The following BARHL1 variants were observed in gnomAD, a reference collection of about 807,000 sequenced individuals.
BARHL1 encodes BarH like homeobox 1.
A neutral mutation model predicts 20.1 loss-of-function variants in BARHL1; 2 were observed. The ratio of observed to expected loss-of-function variants is 0.10; its 90% CI spans 0.04 to 0.31. The LOEUF (loss-of-function observed/expected upper bound fraction) is 0.31. BARHL1 is among the 10% of genes least tolerant of loss of function. The pLI is 1.00. For missense variants in BARHL1, 397 were observed against 454.0 expected (o/e 0.87, Z 1.14); for synonymous variants, 213 against 209.9 (o/e 1.01, Z -0.13).
At position 132,587,655 on chromosome 9, in the gene BARHL1, C is replaced by T; in HGVS notation, c.689+104C>T. On this transcript the variant is annotated intron_variant, in intron 2 of 2. Transcript: ENST00000263610. The surrounding 1 kb of genome is among the most constrained non-coding windows in gnomAD (Gnocchi z 5.5). ...ACAGGTTGGTGCTAAGGGAGGGCCC[C>T]AGAGCCTCCCCCATTCTGTAAAAGT... 1 of 1,094,502 alleles carries T rather than the reference C, an allele frequency of 9.1e-7. No homozygotes were observed. Among genetic ancestry groups the T allele is most frequent in the Non-Finnish European group, 1.3e-6 (1 of 762,838 alleles). The allele number at this position is 1,094,502 out of a possible 1,614,324, so 67.8% of individuals were successfully genotyped here. A position where few individuals can be genotyped will look rare whatever the true frequency, so the allele number is the denominator to read the frequency against.
rs552896782 is a variant in BARHL1 at position 132,589,684 on chromosome 9, C to T, written c.*162C>T. The T allele has an allele frequency of 2.7e-3, 2,705 of 998,242 alleles. 8 individuals are homozygous for T. Among genetic ancestry groups the T allele is most frequent in the Non-Finnish European group, 2.8e-3 (2,164 of 783,032 alleles). 61.8% of individuals were successfully genotyped at this position (998,242 alleles called of 1,614,324 possible). Reference sequence around the variant, plus strand: ...CCCCCGAAGGGCCAAATGCCAAGTCCACTGAGGCCCGGACCCCGGACTGCG... The same window carrying T: ...CCCCCGAAGGGCCAAATGCCAAGTCTACTGAGGCCCGGACCCCGGACTGCG... On this transcript the variant is annotated 3_prime_UTR_variant, in exon 3 of 3. Coordinates refer to ENST00000263610, the MANE Select transcript of BARHL1 (RefSeq NM_020064.4).
At chr9:132,589,052 A>C (rs536357057) in intron 2 of BARHL1, among the ~76,000 whole-genome samples, 176 bp from the exon 3 acceptor site, 1 of 152,278 alleles carries the variant, frequency 6.6e-6, no homozygotes, top group South Asian at 2.1e-4. Flanking sequence ...GGAAGATAAA[A>C]GGAGAGGATG....
In BARHL1 at chr9:132,587,602, C is replaced by A; in HGVS notation, c.689+51C>A. On this transcript the variant is annotated intron_variant, in intron 2 of 2. Transcript: ENST00000263610. The surrounding 1 kb of genome is among the most constrained non-coding windows in gnomAD (Gnocchi z 5.5). ...GCAGAAAGGGAACTTCCCCTTTCCT[C>A]ACAGCTCCTGGAGGGGACCAGGAGT... is the stretch of plus-strand genomic sequence containing the variant. 1 of 1,520,780 alleles carries A rather than the reference C, an allele frequency of 6.6e-7. No homozygotes were observed. The highest frequency in any genetic ancestry group is 8.9e-7 in the Non-Finnish European group (1 of 1,119,310). 94.2% of individuals were successfully genotyped at this position (1,520,780 alleles called of 1,614,324 possible).
In BARHL1 at chr9:132,583,076, C is replaced by T. The variant is rs200079573; in HGVS notation, c.279C>T (p.Thr93=). 1 of 1,613,804 alleles carries T rather than the reference C, an allele frequency of 6.2e-7. No homozygotes were observed. Among genetic ancestry groups the T allele is most frequent in the Non-Finnish European group, 8.5e-7 (1 of 1,179,960 alleles). The change falls in exon 1 of 3, where the codon ACC becomes ACT. Residue 93 remains threonine, a synonymous_variant. Transcript: ENST00000263610. Reference sequence around the variant, plus strand: ...CCCCGGCCCAGTCGCGCACCGTCACCTCCTCCTTTCTGATCAGGGACATCC... The same window carrying T: ...CCCCGGCCCAGTCGCGCACCGTCACTTCCTCCTTTCTGATCAGGGACATCC... ...LSAPAQSRTV[T]SSFLIRDILA...
At chr9:132,586,658 C>T (rs4142544) in intron 1 of BARHL1, among the ~76,000 whole-genome samples, 2 of 152,252 alleles carry the variant, frequency 1.3e-5, no homozygotes, top group Admixed American at 1.3e-4. Flanking sequence ...GTGGCAGGGT[C>T]GCTTATTCTC....
rs1006716323 is a variant in BARHL1 at position 132,586,261 on chromosome 9, G to A, written c.467-1068G>A. Among the ~76,000 whole-genome samples the A allele has an allele frequency of 3.9e-5, 6 of 152,306 alleles. No individual in the cohort carries two copies. The East Asian group carries it at 7.7e-4, about 20-fold the overall frequency. ...TGAACCCCGTCACTGCAAACGCCACGCACAATGAAACTCCACCATAAAAGA... is the reference window on the plus strand; with the variant it reads ...TGAACCCCGTCACTGCAAACGCCACACACAATGAAACTCCACCATAAAAGA... On this transcript the variant is annotated intron_variant, in intron 1 of 2. Transcript: ENST00000263610.
chr9:132,587,257 G>GCCA lies in BARHL1; in HGVS notation c.467-70_467-68dup. The stretch of plus-strand genomic sequence containing the variant: ...TGTCGGAAGCCGAGGTTACACAAAC[G>GCCA]CCACGGGCAGGAGCGGGAGGGCACC... On this transcript the variant is annotated intron_variant, in intron 1 of 2. Transcript: ENST00000263610. This position sits in a 1 kb window ranked among gnomAD's most constrained non-coding sequence, Gnocchi z 5.5. 1 of 1,391,486 alleles carries GCCA rather than the reference G, an allele frequency of 7.2e-7. No homozygotes were observed. Among genetic ancestry groups the GCCA allele is most frequent in the Non-Finnish European group, 9.8e-7 (1 of 1,018,672 alleles). 86.2% of individuals were successfully genotyped at this position (1,391,486 alleles called of 1,614,324 possible).
At chr9:132,584,167 A>AAGGAAGGG (rs1254098064) in intron 1 of BARHL1, among the ~76,000 whole-genome samples, 40 of 139,170 alleles carry the variant, frequency 2.9e-4, no homozygotes, top group African/African-American at 7.2e-4. Flanking sequence ...GGAAGGAAGG[A>AAGGAAGGG]AGGGAAAGGG....
At chr9:132,583,410 T>C (rs1234044308) in intron 1 of BARHL1, 147 bp downstream of exon 1, 2 of 705,172 alleles carry the variant, frequency 2.8e-6, no homozygotes, top group Non-Finnish European at 4.6e-6. Context: ...TCAGAACATT[T>C]CAGCCAGTCC....
At chr9:132,585,347 G>A (rs1354723433) in intron 1 of BARHL1, among the ~76,000 whole-genome samples, 1 of 152,194 alleles carries the variant, frequency 6.6e-6, no homozygotes, top group Non-Finnish European at 1.5e-5. Flanking sequence ...AGTCCGTGGA[G>A]CATTTAAGCT....
intron 1 of BARHL1, among the ~76,000 whole-genome samples, chr9:132,584,518 C>T (rs1370030561): frequency 1.3e-5 from 2 of 148,756 alleles, no homozygotes. Context: ...CTTCCTGGTC[C>T]CTATTTGGAC....
At chr9:132,589,184 G>A in intron 2 of BARHL1, 44 bp from the exon 3 acceptor site, 1 of 1,554,836 alleles carries the variant, frequency 6.4e-7, no homozygotes, top group Non-Finnish European at 8.7e-7. Context: ...GTCGCTGGAT[G>A]CCCTAGCCCT....
In BARHL1 at chr9:132,587,382, C is replaced by T; in HGVS notation, c.520C>T (p.Arg174Cys). 1.2e-6 allele frequency: 2 copies of T among 1,611,848 alleles called. No individual in the cohort carries two copies. The highest frequency in any genetic ancestry group is 1.1e-5 in the South Asian group (1 of 90,632). Residue 174 changes from arginine (R) to cysteine (C), a missense_variant, in exon 2 of 3, where the codon CGC becomes TGC. Arg to Cys is a radical substitution (Grantham distance 180, BLOSUM62 -3). This residue lies in a region of BARHL1 where 272 missense variants were observed against 298.7 expected (regional missense o/e 0.91). Coordinates refer to ENST00000263610, the MANE Select transcript of BARHL1 (RefSeq NM_020064.4). The surrounding 1 kb of genome is among the most constrained non-coding windows in gnomAD (Gnocchi z 5.5). ...CAGCTCCAGGGACAGTCCCCCGGTGCGCCTGAAAAAGCCACGCAAGGCGCG... is the reference window on the plus strand; with the variant it reads ...CAGCTCCAGGGACAGTCCCCCGGTGTGCCTGAAAAAGCCACGCAAGGCGCG... ...ISSSRDSPPV[R>C]LKKPRKARTA...
chr9:132,588,862 G>A lies in BARHL1; in HGVS notation c.690-366G>A, dbSNP rs1014944758. 5.9e-5 allele frequency among the ~76,000 whole-genome samples: 9 copies of A among 152,208 alleles called. No individual in the cohort carries two copies. In the South Asian group the frequency reaches 1.7e-3, roughly 28 times the overall value. ...TTCATAAAGAGGCACGCGCAGGGAG[G>A]AGCACCCCCTACCCAGCTCCAAGGG... On this transcript the variant is annotated intron_variant, in intron 2 of 2. Transcript: ENST00000263610.
In BARHL1 at chr9:132,589,493, G is replaced by C; in HGVS notation, c.955G>C (p.Val319Leu). Reference sequence around the variant, plus strand: ...CCCGCCGCTGCCCCCCCTGGCCGGCGTCCTCCCACGCGCCGCGCAGCCTCG... The same window carrying C: ...CCCGCCGCTGCCCCCCCTGGCCGGCCTCCTCCCACGCGCCGCGCAGCCTCG... ...PPPPLPPLAG[V>L]LPRAAQPR Residue 319 changes from valine (V) to leucine (L), a missense_variant, in exon 3 of 3, where the codon GTC becomes CTC. By Grantham distance (32) the Val-to-Leu change is conservative (BLOSUM62 1). Around this residue, in one of 3 missense-constraint regions of BARHL1, gnomAD observed 121 missense variants for 135.9 expected, o/e 0.89. Transcript: ENST00000263610. 1 of 1,436,380 alleles carries C rather than the reference G, an allele frequency of 7.0e-7. No homozygotes were observed. Among genetic ancestry groups the C allele is most frequent in the Non-Finnish European group, 9.1e-7 (1 of 1,097,908 alleles). 89.0% of individuals were successfully genotyped at this position (1,436,380 alleles called of 1,614,324 possible).
intron 1 of BARHL1, among the ~76,000 whole-genome samples, chr9:132,586,750 C>G (rs1470666287): frequency 6.6e-6 from 1 of 152,262 alleles, no homozygotes; most frequent in Non-Finnish European, 1.5e-5. Flanking sequence ...ATCATCACTA[C>G]GAATTCGTTT....
At chr9:132,583,288 TG>T (rs1393940592) in intron 1 of BARHL1, 25 bp downstream of exon 1, 1 of 1,573,930 alleles carries the variant, frequency 6.4e-7, no homozygotes. Context: ...GGTGAAAACT[TG>T]GGGGGATGCT....
chr9:132,584,388 C>T (rs28404537), intron 1 of BARHL1, among the ~76,000 whole-genome samples: 22,444 of 151,996 alleles, frequency 0.15, 2,432 homozygotes, highest in African/African-American at 0.3. Flanking sequence ...GTTCAGAGCT[C>T]TTTCAAGCAC....
At position 132,589,733 on chromosome 9, in the gene BARHL1, C is replaced by G. The variant is rs1589939600; in HGVS notation, c.*211C>G. On this transcript the variant is annotated 3_prime_UTR_variant, in exon 3 of 3. Transcript: ENST00000263610. ...CGTCTCCCCAGCCCCCCTCGGCGTC[C>G]TCTCTCGCGGCCGCTCTGTCCGGGA... is the stretch of plus-strand genomic sequence containing the variant. 6 of 619,332 alleles carry G rather than the reference C, an allele frequency of 9.7e-6. No homozygotes were observed. The highest frequency in any genetic ancestry group is 1.4e-5 in the Non-Finnish European group (6 of 440,096). 38.4% of individuals were successfully genotyped at this position (619,332 alleles called of 1,614,324 possible). A position where few individuals can be genotyped will look rare whatever the true frequency, so the allele number is the denominator to read the frequency against.
Sources: allele counts gnomAD v4.1 joint callset (sites outside exome capture counted in the v4.1 genomes callset), GRCh38; gene constraint gnomAD v4.1.1; regional missense constraint gnomAD v4.1.1; non-coding constraint Gnocchi (gnomAD v3.1); transcripts MANE v1.5; gene names NCBI Gene and HGNC (gene_info 2026-07-23, HGNC 2026-07-21).